Variants in SCG3 observed in about 807,000 individuals in gnomAD.
The protein encoded by SCG3 is secretogranin III.
A neutral mutation model predicts 56.2 loss-of-function variants in SCG3; 38 were observed. That is an observed-to-expected ratio of 0.68 (90% CI 0.52 to 0.89). SCG3 has a LOEUF of 0.89. Among genes scored for constraint, SCG3 ranks in the 40% least tolerant of loss-of-function variants. The probability of loss-of-function intolerance (pLI) is 0.00; values close to 1 mark genes in which losing one functional copy is unlikely to be tolerated. For synonymous variants in SCG3, 176 were observed against 184.2 expected (o/e 0.96, Z 0.36); for missense variants, 524 against 540.7 (o/e 0.97, Z 0.31).
At chr15:51,695,255 T>C (rs1395736659) in intron 7 of SCG3, among the ~76,000 whole-genome samples, 5 of 136,672 alleles carry the variant, frequency 3.7e-5, no homozygotes, top group African/African-American at 1.9e-4. Flanking sequence ...ACTATATATG[T>C]TCTTATTTTC....
chr15:51,694,162 A>G (rs1046635905), intron 7 of SCG3, among the ~76,000 whole-genome samples: 2 of 152,166 alleles, frequency 1.3e-5, no homozygotes, highest in African/African-American at 2.4e-5. Flanking sequence ...AAATATTTAT[A>G]CTGAGTTCTT....
At chr15:51,689,438 T>C (rs1443336196) in intron 6 of SCG3, 70 bp downstream of exon 6, 2 of 1,431,872 alleles carry the variant, frequency 1.4e-6, no homozygotes, top group African/African-American at 1.5e-5. Context: ...TGTGTACTTC[T>C]ATCTGTATAA....
At chr15:51,687,484 T>G (rs2055236615) in intron 4 of SCG3, among the ~76,000 whole-genome samples, 1 of 152,232 alleles carries the variant, frequency 6.6e-6, no homozygotes, top group Non-Finnish European at 1.5e-5. Flanking sequence ...GATGGGCCCT[T>G]ACTTTAGTCT....
At chr15:51,706,876 A>G (rs1222891401) in intron 10 of SCG3, among the ~76,000 whole-genome samples, 1 of 152,156 alleles carries the variant, frequency 6.6e-6, no homozygotes, top group Non-Finnish European at 1.5e-5. Flanking sequence ...ACCCACATTA[A>G]GTATAATATT....
In SCG3 at chr15:51,692,323, A is replaced by C; in HGVS notation, c.855A>C (p.Lys285Asn). ...QYFPNFYALL[K>N]SIDSEKEAKE... ...TCCCAAATTTCTATGCGCTACTGAA[A>C]AGTATTGATTCAGGTAACCACTGTG... Residue 285 changes from lysine (K) to asparagine (N), a missense_variant, in exon 7 of 12, where the codon AAA becomes AAC. Transcript: ENST00000220478. 6.2e-7 allele frequency: 1 copy of C among 1,613,546 alleles called. No individual in the cohort carries two copies. The highest frequency in any genetic ancestry group is 8.5e-7 in the Non-Finnish European group (1 of 1,179,744).
intron 5 of SCG3, 75 bp downstream of exon 5, chr15:51,688,477 T>A: frequency 7.2e-7 from 1 of 1,397,342 alleles, no homozygotes; most frequent in Non-Finnish European, 9.9e-7. Flanking sequence ...GTCACTTGCC[T>A]CAAGTAGCCA....
At chr15:51,702,917 C>G (rs1341117427) in intron 10 of SCG3, among the ~76,000 whole-genome samples, 6 of 152,134 alleles carry the variant, frequency 3.9e-5, no homozygotes, top group Admixed American at 6.5e-5. Context: ...CACCACTGTA[C>G]TTCAGCCTGG....
At chr15:51,717,650 G>A (rs1190196435) in intron 11 of SCG3, among the ~76,000 whole-genome samples, 5 of 152,188 alleles carry the variant, frequency 3.3e-5, no homozygotes, top group Non-Finnish European at 7.3e-5. Flanking sequence ...AGATACATAG[G>A]GTGAAGTCTG....
At chr15:51,716,521 A>G (rs1389554771) in intron 11 of SCG3, among the ~76,000 whole-genome samples, 1 of 151,988 alleles carries the variant, frequency 6.6e-6, no homozygotes. Context: ...TCAGAACCTG[A>G]CTCTACCACT....
intron 10 of SCG3, among the ~76,000 whole-genome samples, chr15:51,701,942 G>A (rs2055342157): frequency 1.3e-5 from 2 of 152,050 alleles, no homozygotes; most frequent in Non-Finnish European, 2.9e-5. Flanking sequence ...TCGTGGGGTC[G>A]GGGGATGGGG....
intron 11 of SCG3, among the ~76,000 whole-genome samples, chr15:51,717,325 G>A (rs1351119348): frequency 2.0e-5 from 3 of 150,646 alleles, no homozygotes; most frequent in African/African-American, 4.9e-5. Context: ...CTGAGATCAC[G>A]CCACTGCACT....
chr15:51,707,774 G>A (rs1276893864), intron 10 of SCG3, among the ~76,000 whole-genome samples: 1 of 152,152 alleles, frequency 6.6e-6, no homozygotes, highest in Non-Finnish European at 1.5e-5. Context: ...TCACAGCTCC[G>A]TGGCCTGTGT....
rs1191085597 is a variant in SCG3 at position 51,681,591 on chromosome 15, AC to A, written c.-163del. ...GCGCCCCAACCCTGCTTATCCCTTG[AC>A]CGTCGAGTGTCAGAGATCCTGCAGC... is the stretch of plus-strand genomic sequence containing the variant. On this transcript the variant is annotated 5_prime_UTR_variant, in exon 1 of 12. Transcript: ENST00000220478. 1 of 623,406 alleles carries A rather than the reference AC, an allele frequency of 1.6e-6. No homozygotes were observed. Among genetic ancestry groups the A allele is most frequent in the Non-Finnish European group, 2.9e-6 (1 of 347,474 alleles). 38.6% of individuals were successfully genotyped at this position (623,406 alleles called of 1,614,324 possible). A position where few individuals can be genotyped will look rare whatever the true frequency, so the allele number is the denominator to read the frequency against.
chr15:51,695,634 T>C, intron 7 of SCG3: 1 of 362,302 alleles, frequency 2.8e-6, no homozygotes, highest in South Asian at 6.2e-5. Context: ...GGTGTTTACC[T>C]ATAGTTCCAA....
intron 10 of SCG3, among the ~76,000 whole-genome samples, chr15:51,711,134 G>C (rs2055417946): frequency 6.6e-6 from 1 of 152,190 alleles, no homozygotes. Flanking sequence ...CATGCCTAAG[G>C]AACAAGGAAG....
At chr15:51,716,544 A>G (rs16964483) in intron 11 of SCG3, among the ~76,000 whole-genome samples, 33,805 of 152,160 alleles carry the variant, frequency 0.22, 4,374 homozygotes, top group Non-Finnish European at 0.28. Flanking sequence ...CTGAGCAAGT[A>G]ACTTACCCCC....
At chr15:51,685,684 A>G (rs2055224369) in intron 4 of SCG3, among the ~76,000 whole-genome samples, 1 of 152,220 alleles carries the variant, frequency 6.6e-6, no homozygotes, top group South Asian at 2.1e-4. Context: ...AGGGGAAGGT[A>G]AAGGAAGCTA....
chr15:51,695,252 A>G lies in SCG3; in HGVS notation c.869-623A>G, dbSNP rs568470987. 1.0e-3 allele frequency among the ~76,000 whole-genome samples: 152 copies of G among 150,230 alleles called. 2 individuals carry two copies. Among genetic ancestry groups the G allele is most frequent in the African/African-American group, 3.7e-3 (146 of 39,526 alleles). Reference sequence around the variant, plus strand: ...TTGTATTTATAAACTAGAACTATATATGTTCTTATTTTCAATTAAGAAAAT... The same window carrying G: ...TTGTATTTATAAACTAGAACTATATGTGTTCTTATTTTCAATTAAGAAAAT... On this transcript the variant is annotated intron_variant, in intron 7 of 11. Coordinates refer to ENST00000220478, the MANE Select transcript of SCG3 (RefSeq NM_013243.4).
chr15:51,688,268 G>A lies in SCG3; in HGVS notation c.406G>A (p.Asp136Asn), dbSNP rs1443523912. 1 of 1,613,494 alleles carries A rather than the reference G, an allele frequency of 6.2e-7. No individual in the cohort carries two copies. The highest frequency in any genetic ancestry group is 8.5e-7 in the Non-Finnish European group (1 of 1,179,550). Residue 136 changes from aspartate to asparagine, a missense_variant, in exon 5 of 12, where the codon GAT (aspartate) becomes AAT (asparagine). Coordinates refer to ENST00000220478, the MANE Select transcript of SCG3 (RefSeq NM_013243.4). Reference sequence around the variant, plus strand: ...GTGGTCGTTCTGTCTAGATGATCCAGATGGTCTTCATCAACTAGACGGGAC... The same window carrying A: ...GTGGTCGTTCTGTCTAGATGATCCAAATGGTCTTCATCAACTAGACGGGAC... Reference protein sequence around the residue: ...GLDHKFQDDPDGLHQLDGTPL... With the variant: ...GLDHKFQDDPNGLHQLDGTPL...
Sources: allele counts gnomAD v4.1 joint callset (sites outside exome capture counted in the v4.1 genomes callset), GRCh38; gene constraint gnomAD v4.1.1; transcripts MANE v1.5; gene names NCBI Gene and HGNC (gene_info 2026-07-23, HGNC 2026-07-21).